ZDHHC17: variants seen among roughly 807,000 people sequenced by gnomAD.
ZDHHC17 encodes zDHHC palmitoyltransferase 17.
A neutral mutation model predicts 90.3 loss-of-function variants in ZDHHC17; 40 were observed. The observed-to-expected ratio is 0.44, with a 90% confidence interval of 0.34 to 0.58. The LOEUF is 0.58. Among genes scored for constraint, ZDHHC17 ranks in the 20% least tolerant of loss-of-function variants. The probability of loss-of-function intolerance (pLI) is 0.01; values close to 1 mark genes in which losing one functional copy is unlikely to be tolerated. For synonymous variants in ZDHHC17, 235 were observed against 252.4 expected (o/e 0.93, Z 0.65); for missense variants, 614 against 780.8 (o/e 0.79, Z 2.55).
At chr12:76,825,385 T>G (rs12303919) in intron 8 of ZDHHC17, among the ~76,000 whole-genome samples, 1,967 of 152,258 alleles carry the variant, frequency 0.013, 57 homozygotes, top group African/African-American at 0.045. Context: ...TAGTTGAAAA[T>G]TTTCCTAATA....
At chr12:76,769,018 G>C in intron 1 of ZDHHC17, 1 of 381,258 alleles carries the variant, frequency 2.6e-6, no homozygotes, top group South Asian at 1.9e-5. Context: ...ATTATCTACT[G>C]TCCTCACAGA....
At chr12:76,822,886 T>C (rs890429200) in intron 8 of ZDHHC17, among the ~76,000 whole-genome samples, 1 of 152,104 alleles carries the variant, frequency 6.6e-6, no homozygotes, top group Non-Finnish European at 1.5e-5. Context: ...ATATATAATT[T>C]TTTAAGTAGG....
chr12:76,765,387 G>A (rs148273057), intron 1 of ZDHHC17, among the ~76,000 whole-genome samples: 99 of 152,224 alleles, frequency 6.5e-4, no homozygotes, highest in African/African-American at 2.1e-3. Context: ...CCTCTCATTC[G>A]TCACTTTGGT....
chr12:76,777,405 G>C (rs1214891770), intron 1 of ZDHHC17, among the ~76,000 whole-genome samples: 3 of 152,180 alleles, frequency 2.0e-5, no homozygotes, highest in African/African-American at 7.2e-5. Context: ...CCACAGTATG[G>C]ATGTACCGTG....
In ZDHHC17 at chr12:76,848,174, C is replaced by T. The variant is rs541368101; in HGVS notation, c.1508-59C>T. 36 of 1,579,444 alleles carry T rather than the reference C, an allele frequency of 2.3e-5. No individual in the cohort carries two copies. In the Admixed American group the frequency reaches 3.1e-4, roughly 14 times the overall value. On this transcript the variant is annotated intron_variant, in intron 14 of 16. Coordinates refer to ENST00000426126, the MANE Select transcript of ZDHHC17 (RefSeq NM_015336.4). ...TTCTAAATGGTGCCAGCACAAATGC[C>T]TATATGAGGTGCTTGGATGATTATT...
At chr12:76,831,738 C>A (rs976955891) in intron 10 of ZDHHC17, among the ~76,000 whole-genome samples, 1 of 152,158 alleles carries the variant, frequency 6.6e-6, no homozygotes, top group African/African-American at 2.4e-5. Flanking sequence ...CCTCAACCTC[C>A]CAGGCTCAGG....
chr12:76,818,241 A>G (rs138380579), intron 7 of ZDHHC17, among the ~76,000 whole-genome samples: 1,935 of 152,302 alleles, frequency 0.013, 32 homozygotes, highest in South Asian at 0.018. Context: ...TTTAAAATGC[A>G]CTTTATATGT....
At chr12:76,827,663 C>T (rs1343943071) in intron 9 of ZDHHC17, among the ~76,000 whole-genome samples, 2 of 151,968 alleles carry the variant, frequency 1.3e-5, no homozygotes, top group African/African-American at 2.4e-5. Context: ...ATCTTATTTT[C>T]ACTTGCATTT....
intron 5 of ZDHHC17, among the ~76,000 whole-genome samples, chr12:76,810,256 C>T (rs1055732321): frequency 6.6e-6 from 1 of 151,928 alleles, no homozygotes; most frequent in Non-Finnish European, 1.5e-5. Context: ...AGATCAGTTT[C>T]TGCTGTATAA....
In ZDHHC17 at chr12:76,809,766, C is replaced by T. The variant is rs1188588105; in HGVS notation, c.452C>T (p.Ser151Leu). ...CTAATGAAATATGGTGCAGATCCTTCATTAATTGATGGAGAAGGATGTAGC... is the reference window on the plus strand; with the variant it reads ...CTAATGAAATATGGTGCAGATCCTTTATTAATTGATGGAGAAGGATGTAGC... The part of the protein sequence containing the change: ...VQLMKYGADP[S>L]LIDGEGCSCI... Residue 151 changes from serine to leucine, a missense_variant, in exon 5 of 17, where the codon TCA (serine) becomes TTA (leucine). This residue lies in a region of ZDHHC17 where 358 missense variants were observed against 380.4 expected (regional missense o/e 0.94). Transcript: ENST00000426126. 3 of 1,601,566 alleles carry T rather than the reference C, an allele frequency of 1.9e-6. No homozygotes were observed. The highest frequency in any genetic ancestry group is 2.6e-6 in the Non-Finnish European group (3 of 1,174,436).
intron 3 of ZDHHC17, among the ~76,000 whole-genome samples, chr12:76,807,146 C>T (rs1216197734): frequency 6.6e-6 from 1 of 152,154 alleles, no homozygotes; most frequent in Non-Finnish European, 1.5e-5. Flanking sequence ...AACTATAATT[C>T]TATTAAAAAC....
At chr12:76,843,741 A>C (rs948785465) in intron 12 of ZDHHC17, among the ~76,000 whole-genome samples, 29 of 152,132 alleles carry the variant, frequency 1.9e-4, no homozygotes, top group Non-Finnish European at 1.5e-4. Flanking sequence ...TTCCAAAGTC[A>C]TACATAAAAC....
At chr12:76,838,268 T>C (rs1040681562) in intron 10 of ZDHHC17, among the ~76,000 whole-genome samples, 2 of 152,224 alleles carry the variant, frequency 1.3e-5, no homozygotes, top group African/African-American at 4.8e-5. Flanking sequence ...ATTTGCTTTG[T>C]GAATGCTGTG....
In ZDHHC17 at chr12:76,822,584, C is replaced by T. The variant is rs181740492; in HGVS notation, c.897+53C>T. ...TTTTTTTTTTTTTGAGACGGAGTTT[C>T]GCTCTTGTTGCCCAGGCTGGAGTGC... is the stretch of plus-strand genomic sequence containing the variant. On this transcript the variant is annotated intron_variant, in intron 8 of 16. Transcript: ENST00000426126. The T allele has an allele frequency of 4.1e-5, 57 of 1,392,040 alleles. No individual in the cohort carries two copies. The East Asian group carries it at 5.7e-4, about 14-fold the overall frequency. 86.2% of individuals were successfully genotyped at this position (1,392,040 alleles called of 1,614,324 possible).
intron 2 of ZDHHC17, among the ~76,000 whole-genome samples, 174 bp from the exon 3 acceptor site, chr12:76,805,143 T>C (rs1952940402): frequency 6.6e-6 from 1 of 152,170 alleles, no homozygotes; most frequent in Admixed American, 6.5e-5. Context: ...AACTGTAAAA[T>C]GGATTAGTAA....
chr12:76,787,432 A>G (rs1055492582), intron 1 of ZDHHC17, among the ~76,000 whole-genome samples: 2 of 152,208 alleles, frequency 1.3e-5, no homozygotes, highest in African/African-American at 4.8e-5. Flanking sequence ...ATTCCCTGGA[A>G]TATATTTGAA....
rs1426815903 is a variant in ZDHHC17 at position 76,852,422 on chromosome 12, T to G, written c.*1437T>G. ...CTCTTTGTGTCTGTGTTAGTGTTTT[T>G]AAAGCTGCTCATTTCATTTTGTCCA... is the stretch of plus-strand genomic sequence containing the variant. On this transcript the variant is annotated 3_prime_UTR_variant, in exon 17 of 17. Coordinates refer to ENST00000426126, the MANE Select transcript of ZDHHC17 (RefSeq NM_015336.4). 3 of 152,656 alleles carry G rather than the reference T, an allele frequency of 2.0e-5. No individual in the cohort carries two copies. Among genetic ancestry groups the G allele is most frequent in the African/African-American group, 4.8e-5 (2 of 41,456 alleles). The allele number at this position is 152,656 out of a possible 1,614,324, so 9.5% of individuals were successfully genotyped here.
chr12:76,850,794 A>G (rs1263234886), intron 16 of ZDHHC17, 53 bp from the exon 17 acceptor site: 4 of 1,564,712 alleles, frequency 2.6e-6, no homozygotes, highest in Non-Finnish European at 2.6e-6. Context: ...GAATTCATGT[A>G]TTAAATCATT....
rs117231144 is a variant in ZDHHC17 at position 76,847,152 on chromosome 12, T to C, written c.1507+473T>C. Among the ~76,000 whole-genome samples, 372 of 152,366 alleles carry C rather than the reference T, an allele frequency of 2.4e-3. 2 individuals carry two copies. Among genetic ancestry groups the C allele is most frequent in the Non-Finnish European group, 4.2e-3 (285 of 68,028 alleles). On this transcript the variant is annotated intron_variant, in intron 14 of 16. Coordinates refer to ENST00000426126, the MANE Select transcript of ZDHHC17 (RefSeq NM_015336.4). Reference sequence around the variant, plus strand: ...ATTAGTAAATATCAGAAGTTACCTTTTTAAGAATAAGTTGTTATTCCATCA... The same window carrying C: ...ATTAGTAAATATCAGAAGTTACCTTCTTAAGAATAAGTTGTTATTCCATCA...
Sources: allele counts gnomAD v4.1 joint callset (sites outside exome capture counted in the v4.1 genomes callset), GRCh38; gene constraint gnomAD v4.1.1; regional missense constraint gnomAD v4.1.1; transcripts MANE v1.5; gene names NCBI Gene and HGNC (gene_info 2026-07-23, HGNC 2026-07-21).